Variants in SNTB1 observed in about 807,000 individuals in gnomAD.
SNTB1 encodes the protein beta-1-syntrophin.
Under a neutral mutation model 48.9 loss-of-function variants are expected in SNTB1, and 36 were observed. The ratio of observed to expected loss-of-function variants is 0.74; its 90% CI spans 0.56 to 0.97. The LOEUF (loss-of-function observed/expected upper bound fraction) is 0.97. Among genes scored for constraint, SNTB1 ranks in the 50% least tolerant of loss-of-function variants. SNTB1 has a pLI of 0.00. For synonymous variants in SNTB1, 299 were observed against 294.6 expected (o/e 1.01, Z -0.15); for missense variants, 786 against 703.4 (o/e 1.12, Z -1.33).
At chr8:120,749,261 G>A (rs1819173557) in intron 1 of SNTB1, among the ~76,000 whole-genome samples, 1 of 152,064 alleles carries the variant, frequency 6.6e-6, no homozygotes, top group African/African-American at 2.4e-5. Context: ...ATTTGCTTGG[G>A]CAAACCACTG....
chr8:120,555,508 A>T (rs755774941), intron 4 of SNTB1, among the ~76,000 whole-genome samples: 8 of 152,170 alleles, frequency 5.3e-5, no homozygotes, highest in Non-Finnish European at 1.0e-4. Context: ...CCGGCAGAGA[A>T]GGGAAGATAG....
chr8:120,669,646 G>T (rs1327810670), intron 2 of SNTB1, among the ~76,000 whole-genome samples: 2 of 91,374 alleles, frequency 2.2e-5, no homozygotes, highest in Admixed American at 1.9e-4. Flanking sequence ...TAGAGACGGG[G>T]TTTCACCGTG....
At chr8:120,719,433 T>C (rs910344386) in intron 1 of SNTB1, among the ~76,000 whole-genome samples, 41 of 152,158 alleles carry the variant, frequency 2.7e-4, no homozygotes, top group African/African-American at 9.4e-4. Context: ...GACCTTGTGA[T>C]TGAGTGAGTT....
chr8:120,791,542 A>G (rs1232102357), intron 1 of SNTB1, among the ~76,000 whole-genome samples: 1 of 152,114 alleles, frequency 6.6e-6, no homozygotes. Flanking sequence ...CAAAATATGC[A>G]TCTGACAAAA....
intron 1 of SNTB1, among the ~76,000 whole-genome samples, chr8:120,710,206 T>C (rs944495938): frequency 6.6e-6 from 1 of 152,178 alleles, no homozygotes; most frequent in African/African-American, 2.4e-5. Context: ...AAACACTATC[T>C]ATGTTCCCTG....
intron 4 of SNTB1, chr8:120,570,111 T>TGAA (rs1815819843): frequency 6.6e-6 from 1 of 152,184 alleles, no homozygotes; most frequent in African/African-American, 2.4e-5. Context: ...ACCAGGGGGT[T>TGAA]GAAGTCCCAG....
chr8:120,617,464 A>C (rs538755784), intron 3 of SNTB1, among the ~76,000 whole-genome samples: 67 of 152,274 alleles, frequency 4.4e-4, no homozygotes, highest in African/African-American at 1.4e-3. Flanking sequence ...AATTTTTTAA[A>C]AGAAAGATAA....
At chr8:120,709,259 A>G (rs954373606) in intron 1 of SNTB1, among the ~76,000 whole-genome samples, 1 of 152,130 alleles carries the variant, frequency 6.6e-6, no homozygotes, top group African/African-American at 2.4e-5. Flanking sequence ...TAAATTTCCT[A>G]TTCTATAAAA....
At position 120,772,275 on chromosome 8, in the gene SNTB1, T is replaced by C. The variant is rs1481994727; in HGVS notation, c.571+38998A>G. On this transcript the variant is annotated intron_variant, in intron 1 of 6. Transcript: ENST00000517992. ...CTTTTTTTTTTTTTGAGACAGAGTC[T>C]CACTATGCCGCCTAGGCTGGAGTGC... is the stretch of plus-strand genomic sequence containing the variant. Among the ~76,000 whole-genome samples the C allele has an allele frequency of 2.0e-5, 3 of 148,218 alleles. No homozygotes were observed. The East Asian group carries it at 6.2e-4, about 31-fold the overall frequency.
At position 120,811,664 on chromosome 8, in the gene SNTB1, G is replaced by A. The variant is rs1050944219; in HGVS notation, c.180C>T (p.Ile60=). 5 of 1,593,262 alleles carry A rather than the reference G, an allele frequency of 3.1e-6. No individual in the cohort carries two copies. The highest frequency in any genetic ancestry group is 2.8e-5 in the African/African-American group (2 of 72,010). The part of the protein sequence containing the change: ...SEEGAAAYNG[I]GTATNGSFCR... The stretch of plus-strand genomic sequence containing the variant: ...AGAACGAGCCATTGGTGGCGGTCCC[G>A]ATGCCGTTGTACGCCGCAGCGCCCT... Residue 60 remains isoleucine, a synonymous_variant, in exon 1 of 7, where the codon ATC becomes ATT. Coordinates refer to ENST00000517992, the MANE Select transcript of SNTB1 (RefSeq NM_021021.4).
intron 1 of SNTB1, among the ~76,000 whole-genome samples, chr8:120,809,011 A>T (rs1001865650): frequency 3.3e-5 from 5 of 152,224 alleles, no homozygotes; most frequent in African/African-American, 1.2e-4. Context: ...GAAACTCTGG[A>T]ATCCACACTG....
intron 2 of SNTB1, among the ~76,000 whole-genome samples, chr8:120,659,332 A>T (rs1362044195): frequency 6.6e-6 from 1 of 152,160 alleles, no homozygotes; most frequent in Non-Finnish European, 1.5e-5. Context: ...CCAGGAATAG[A>T]TTCCATCTCA....
At chr8:120,631,609 A>G (rs1181336270) in intron 3 of SNTB1, among the ~76,000 whole-genome samples, 1 of 151,998 alleles carries the variant, frequency 6.6e-6, no homozygotes, top group Non-Finnish European at 1.5e-5. Flanking sequence ...GTTCCTGAGC[A>G]CTCCAGGTCA....
chr8:120,560,684 C>G (rs1298818286), intron 4 of SNTB1, among the ~76,000 whole-genome samples: 1 of 152,142 alleles, frequency 6.6e-6, no homozygotes, highest in Non-Finnish European at 1.5e-5. Flanking sequence ...AGGTAGATTT[C>G]TGGAGACAAG....
chr8:120,593,385 G>A (rs1364491059), intron 3 of SNTB1, among the ~76,000 whole-genome samples: 2 of 152,188 alleles, frequency 1.3e-5, no homozygotes, highest in Non-Finnish European at 2.9e-5. Context: ...CGGGTCTCAT[G>A]TCTGAGTCCA....
chr8:120,559,574 TTCTC>T (rs2130665362), intron 4 of SNTB1, among the ~76,000 whole-genome samples: 1 of 152,304 alleles, frequency 6.6e-6, no homozygotes, highest in South Asian at 2.1e-4. Flanking sequence ...GGCCAAGTGT[TTCTC>T]TCTCCACTGA....
At chr8:120,638,551 C>T (rs1817122493) in intron 2 of SNTB1, among the ~76,000 whole-genome samples, 1 of 152,108 alleles carries the variant, frequency 6.6e-6, no homozygotes, top group Non-Finnish European at 1.5e-5. Context: ...GCTATCCCCT[C>T]CTCACTCCCC....
chr8:120,684,036 G>T (rs1817984727), intron 2 of SNTB1, among the ~76,000 whole-genome samples: 1 of 152,140 alleles, frequency 6.6e-6, no homozygotes, highest in Non-Finnish European at 1.5e-5. Context: ...TACATTTATT[G>T]ATCACAGTTC....
chr8:120,609,519 G>A (rs1816584829), intron 3 of SNTB1, among the ~76,000 whole-genome samples: 2 of 152,158 alleles, frequency 1.3e-5, no homozygotes, highest in African/African-American at 2.4e-5. Context: ...CTCCCAACCT[G>A]CCACCTGAGG....
Sources: allele counts gnomAD v4.1 joint callset (sites outside exome capture counted in the v4.1 genomes callset), GRCh38; gene constraint gnomAD v4.1.1; transcripts MANE v1.5; gene names NCBI Gene and HGNC (gene_info 2026-07-23, HGNC 2026-07-21).